C10orf90: variants seen among roughly 807,000 people sequenced by gnomAD.
C10orf90 encodes the protein chromosome 10 open reading frame 90.
A neutral mutation model predicts 62.5 loss-of-function variants in C10orf90; 56 were observed. The observed-to-expected ratio is 0.90, with a 90% CI of 0.72 to 1.12. C10orf90 has a LOEUF of 1.12. Ranked by LOEUF, C10orf90 falls within the 50% of genes most tolerant of loss-of-function variation. The pLI is 0.00. For missense variants in C10orf90, 970 were observed against 880.4 expected (o/e 1.10, Z -1.29); for synonymous variants, 386 against 340.4 (o/e 1.13, Z -1.47).
intron 2 of C10orf90, among the ~76,000 whole-genome samples, chr10:126,613,647 C>A (rs949988424): frequency 6.6e-6 from 1 of 152,194 alleles, no homozygotes; most frequent in Admixed American, 6.5e-5. Context: ...TCCCCAGAGC[C>A]TTTATCCCTC....
intron 2 of C10orf90, among the ~76,000 whole-genome samples, chr10:126,578,549 G>T (rs999153435): frequency 2.0e-5 from 3 of 152,274 alleles, no homozygotes; most frequent in Admixed American, 6.5e-5. Context: ...GAATATTAGT[G>T]AAATCACTCT....
intron 2 of C10orf90, among the ~76,000 whole-genome samples, chr10:126,521,804 A>C (rs1863756565): frequency 3.3e-5 from 5 of 152,250 alleles, no homozygotes; most frequent in Admixed American, 3.3e-4. Flanking sequence ...AATTTAGTGA[A>C]ATATCTTTGA....
intron 2 of C10orf90, among the ~76,000 whole-genome samples, chr10:126,636,394 G>A (rs1159049441): frequency 6.6e-6 from 1 of 152,060 alleles, no homozygotes; most frequent in East Asian, 1.9e-4. Flanking sequence ...AGAAGAGAGA[G>A]GCAAGCAGGT....
intron 2 of C10orf90, among the ~76,000 whole-genome samples, chr10:126,642,341 G>A (rs1846077931): frequency 6.6e-6 from 1 of 152,048 alleles, no homozygotes; most frequent in South Asian, 2.1e-4. Context: ...GACCATCCTG[G>A]CTAACATGGT....
chr10:126,504,241 T>G lies in C10orf90; in HGVS notation c.1250A>C (p.Lys417Thr). The G allele has an allele frequency of 6.2e-7, 1 of 1,614,178 alleles. No homozygotes were observed. Among genetic ancestry groups the G allele is most frequent in the Non-Finnish European group, 8.5e-7 (1 of 1,180,038 alleles). Reference protein sequence around the residue: ...VNREPISEALKQELLEGDQDL... With the variant: ...VNREPISEALTQELLEGDQDL... The stretch of plus-strand genomic sequence containing the variant: ...CTGGTCTCCCTCCAGGAGCTCCTGC[T>G]TCAGGGCTTCGCTTATTGGCTCTCT... Residue 417 changes from lysine (K) to threonine (T), a missense_variant, in exon 4 of 10, where the codon AAG becomes ACG. Transcript: ENST00000488181. This position sits in a 1 kb window ranked among gnomAD's most constrained non-coding sequence, Gnocchi z 4.1.
intron 2 of C10orf90, among the ~76,000 whole-genome samples, chr10:126,538,177 G>C (rs1052700725): frequency 3.3e-5 from 5 of 152,206 alleles, no homozygotes; most frequent in African/African-American, 1.2e-4. Context: ...CGGCAGGCAA[G>C]AGAGTGTGTT....
intron 3 of C10orf90, among the ~76,000 whole-genome samples, chr10:126,512,338 A>C (rs61863957): frequency 5.0e-5 from 5 of 100,362 alleles, no homozygotes; most frequent in Middle Eastern, 0.01. Context: ...ATGTGTGTGT[A>C]TGTGTGTGTG....
intron 2 of C10orf90, among the ~76,000 whole-genome samples, chr10:126,608,970 G>T (rs11812423): frequency 0.034 from 5,236 of 152,242 alleles, 301 homozygotes; most frequent in African/African-American, 0.12. Flanking sequence ...GTATATAGGA[G>T]TTCTGACCAA....
intron 2 of C10orf90, among the ~76,000 whole-genome samples, chr10:126,569,261 C>T (rs1844456811): frequency 6.6e-6 from 1 of 152,116 alleles, no homozygotes; most frequent in South Asian, 2.1e-4. Flanking sequence ...AAGAGAACCT[C>T]TTGTTAGTGC....
chr10:126,514,048 C>T (rs1863291996), intron 2 of C10orf90, 109 bp from the exon 3 acceptor site: 3 of 752,196 alleles, frequency 4.0e-6, no homozygotes, highest in Non-Finnish European at 4.3e-6. Context: ...TTCTATCAGC[C>T]AACAGTAAAT....
intron 2 of C10orf90, among the ~76,000 whole-genome samples, chr10:126,572,474 C>T (rs1347481074): frequency 6.6e-6 from 1 of 152,092 alleles, no homozygotes; most frequent in African/African-American, 2.4e-5. Flanking sequence ...TGGTGATATG[C>T]TAAACGAGGG....
At chr10:126,544,819 C>T (rs534569757) in intron 2 of C10orf90, among the ~76,000 whole-genome samples, 1 of 133,192 alleles carries the variant, frequency 7.5e-6, no homozygotes, top group South Asian at 2.6e-4. Flanking sequence ...CCTATCAATC[C>T]TGCCCATTTG....
chr10:126,614,024 G>C (rs1457793908), intron 2 of C10orf90, among the ~76,000 whole-genome samples: 4 of 152,136 alleles, frequency 2.6e-5, no homozygotes, highest in African/African-American at 9.7e-5. Flanking sequence ...CATTCCTCAT[G>C]GATAATATGG....
At chr10:126,498,593 C>T (rs531162748) in intron 4 of C10orf90, among the ~76,000 whole-genome samples, 2 of 152,348 alleles carry the variant, frequency 1.3e-5, no homozygotes, top group South Asian at 2.1e-4. Context: ...GTGATGGACA[C>T]TGTATTACAC....
intron 7 of C10orf90, among the ~76,000 whole-genome samples, chr10:126,455,065 G>A (rs1210208060): frequency 6.6e-6 from 1 of 151,934 alleles, no homozygotes; most frequent in Admixed American, 6.6e-5. Context: ...AGAACCCCTG[G>A]TATCCACTAC....
Position 126,670,527 on chromosome 10 carries a change from A to T in C10orf90, c.-47T>A, listed in dbSNP as rs1419038026. On this transcript the variant is annotated 5_prime_UTR_variant, in exon 1 of 10. In the 5' UTR this introduces an upstream ATG that the reference lacks. Transcript: ENST00000488181. ...TTAGCTAGTGAGACTGGCAAACACA[A>T]TTTTCTTTGTTTAACCCAGGTATTG... 2 of 451,084 alleles carry T rather than the reference A, an allele frequency of 4.4e-6. No homozygotes were observed. Among genetic ancestry groups the T allele is most frequent in the Non-Finnish European group, 8.9e-6 (2 of 223,740 alleles). 27.9% of individuals were successfully genotyped at this position (451,084 alleles called of 1,614,324 possible). A position where few individuals can be genotyped will look rare whatever the true frequency, so the allele number is the denominator to read the frequency against.
chr10:126,481,492 C>G (rs375693696), intron 4 of C10orf90, among the ~76,000 whole-genome samples: 1 of 152,362 alleles, frequency 6.6e-6, no homozygotes, highest in African/African-American at 2.4e-5. Flanking sequence ...GGATTTCATT[C>G]AGCCAAAAGA....
intron 2 of C10orf90, among the ~76,000 whole-genome samples, chr10:126,567,918 A>G (rs1844426708): frequency 6.6e-6 from 1 of 152,180 alleles, no homozygotes; most frequent in South Asian, 2.1e-4. Context: ...GCTGATGGAA[A>G]TAATCCAGGA....
chr10:126,454,447 C>A (rs1859405943), intron 7 of C10orf90, among the ~76,000 whole-genome samples: 1 of 151,866 alleles, frequency 6.6e-6, no homozygotes, highest in Non-Finnish European at 1.5e-5. Context: ...ACTTTACTAC[C>A]TACAAGGGCT....
Sources: gnomAD v4.1 joint callset for allele counts (sites outside exome capture counted in the v4.1 genomes callset) on GRCh38, gnomAD v4.1.1 for gene constraint, Gnocchi (gnomAD v3.1) non-coding constraint, MANE v1.5 for transcripts, NCBI Gene and HGNC (gene_info 2026-07-23, HGNC 2026-07-21) for gene names.